CCNJL: variants seen among roughly 807,000 people sequenced by gnomAD.
CCNJL encodes the protein cyclin-J-like protein.
A neutral mutation model predicts 33.4 loss-of-function variants in CCNJL; 33 were observed. The observed-to-expected ratio is 0.99, with a 90% confidence interval of 0.75 to 1.32. CCNJL has a LOEUF of 1.32. Ranked by LOEUF, CCNJL falls within the 40% of genes most tolerant of loss-of-function variation. The pLI, the probability that CCNJL is intolerant of heterozygous loss-of-function variation, is 0.00. For missense variants in CCNJL, 512 were observed against 499.7 expected (o/e 1.02, Z -0.23); for synonymous variants, 227 against 220.9 (o/e 1.03, Z -0.24).
chr5:160,330,932 C>T (rs949264747), intron 1 of CCNJL, among the ~76,000 whole-genome samples: 2 of 152,206 alleles, frequency 1.3e-5, no homozygotes, highest in Admixed American at 6.5e-5. Flanking sequence ...GGATTATAGG[C>T]GTGAGCCACT....
chr5:160,292,301 T>C (rs1474653243), intron 2 of CCNJL, among the ~76,000 whole-genome samples: 3 of 152,230 alleles, frequency 2.0e-5, no homozygotes, highest in Non-Finnish European at 4.4e-5. Context: ...GATATCTCTA[T>C]ACATACAGAT....
intron 1 of CCNJL, among the ~76,000 whole-genome samples, chr5:160,333,154 G>T (rs145466327): frequency 6.7e-6 from 1 of 149,132 alleles, no homozygotes; most frequent in African/African-American, 2.5e-5. Flanking sequence ...ATGGAGTCTC[G>T]CTCTGTCGCC....
chr5:160,303,482 A>T (rs1762988809), intron 2 of CCNJL, among the ~76,000 whole-genome samples: 1 of 151,886 alleles, frequency 6.6e-6, no homozygotes, highest in Non-Finnish European at 1.5e-5. Context: ...CTGGGATTAC[A>T]GGCGTAAGCC....
intron 5 of CCNJL, 68 bp from the exon 6 acceptor site, chr5:160,253,866 C>G (rs1228821259): frequency 1.6e-6 from 2 of 1,287,502 alleles, no homozygotes; most frequent in African/African-American, 1.5e-5. Flanking sequence ...GTGTCTCTAC[C>G]TGTCTTGCTA....
chr5:160,303,022 T>C (rs1316234271), intron 2 of CCNJL, among the ~76,000 whole-genome samples: 3 of 152,196 alleles, frequency 2.0e-5, no homozygotes, highest in African/African-American at 7.2e-5. Context: ...TTCCATCATC[T>C]ACTCTTTTGT....
intron 4 of CCNJL, chr5:160,258,204 G>T (rs1428495142): frequency 5.3e-6 from 3 of 563,476 alleles, no homozygotes; most frequent in Admixed American, 2.6e-5. Context: ...TGGGATGGTT[G>T]TATCAACAGT....
intron 2 of CCNJL, among the ~76,000 whole-genome samples, chr5:160,293,898 C>T (rs781116327): frequency 2.6e-5 from 4 of 152,146 alleles, no homozygotes; most frequent in African/African-American, 4.8e-5. Flanking sequence ...CTGAGCTGCT[C>T]TCAAACACCA....
At chr5:160,337,774 G>A (rs1763701026) in intron 1 of CCNJL, among the ~76,000 whole-genome samples, 1 of 152,188 alleles carries the variant, frequency 6.6e-6, no homozygotes, top group Admixed American at 6.5e-5. Context: ...AGTTGGAAAT[G>A]AGTGAATTGT....
chr5:160,276,243 A>C (rs1477836293), intron 3 of CCNJL: 2 of 142,224 alleles, frequency 1.4e-5, no homozygotes, highest in African/African-American at 5.3e-5. Context: ...AAGGATACAA[A>C]ATTAGCCAGG....
At position 160,249,989 on chromosome 5, in the gene CCNJL, C is replaced by T. The variant is rs1760764768; in HGVS notation, c.*3389G>A. The T allele has an allele frequency of 6.6e-6, 1 of 152,042 alleles. No individual in the cohort carries two copies. Among genetic ancestry groups the T allele is most frequent in the Non-Finnish European group, 1.5e-5 (1 of 68,026 alleles). The allele number at this position is 152,042 out of a possible 1,614,324, so 9.4% of individuals were successfully genotyped here. The stretch of plus-strand genomic sequence containing the variant: ...TCTGCAGCTTGCTCAGGCTTGAAAA[C>T]CTCTGAATTTAACCTGATGCCAGCC... On this transcript the variant is annotated 3_prime_UTR_variant, in exon 6 of 6. Transcript: ENST00000257536.
At chr5:160,278,157 C>T (rs1762081498) in intron 3 of CCNJL, among the ~76,000 whole-genome samples, 1 of 152,056 alleles carries the variant, frequency 6.6e-6, no homozygotes, top group South Asian at 2.1e-4. Context: ...TCCGACTGGC[C>T]TGGCTAATAT....
chr5:160,280,456 G>T, intron 3 of CCNJL, 69 bp downstream of exon 3: 1 of 1,235,772 alleles, frequency 8.1e-7, no homozygotes, highest in South Asian at 1.2e-5. Context: ...AAGTGATTTG[G>T]AAGCAGCCAG....
At chr5:160,309,530 G>A (rs927941493) in intron 2 of CCNJL, among the ~76,000 whole-genome samples, 1 of 152,196 alleles carries the variant, frequency 6.6e-6, no homozygotes, top group Non-Finnish European at 1.5e-5. Context: ...TACAGTGTTA[G>A]AAACATATTA....
At chr5:160,281,542 TAA>T (rs775195834) in intron 2 of CCNJL, among the ~76,000 whole-genome samples, 3 of 152,184 alleles carry the variant, frequency 2.0e-5, no homozygotes, top group Admixed American at 1.3e-4. Flanking sequence ...GAAAAACCAA[TAA>T]AAGATATCAA....
chr5:160,305,608 T>C lies in CCNJL; in HGVS notation c.66+6250A>G, dbSNP rs908980163. ...AAACAAACTAAAACACAAGAGCCTA[T>C]AGTGTCATGGATGACAGAACCTCAA... On this transcript the variant is annotated intron_variant, in intron 2 of 5. Coordinates refer to ENST00000257536, the MANE Select transcript of CCNJL (RefSeq NM_001308173.3). Among the ~76,000 whole-genome samples the C allele has an allele frequency of 6.9e-4, 105 of 152,242 alleles. 1 individual carries two copies. Among genetic ancestry groups the C allele is most frequent in the African/African-American group, 2.2e-3 (93 of 41,462 alleles).
chr5:160,258,547 A>G (rs1761173805), intron 4 of CCNJL: 2 of 1,521,578 alleles, frequency 1.3e-6, no homozygotes, highest in Admixed American at 1.7e-5. Flanking sequence ...GAAAGAGGTT[A>G]TTCGGGAAAG....
chr5:160,253,746 C>T lies in CCNJL; in HGVS notation c.796G>A (p.Ala266Thr), dbSNP rs1370855863. 9 of 1,555,176 alleles carry T rather than the reference C, an allele frequency of 5.8e-6. No homozygotes were observed. Among genetic ancestry groups the T allele is most frequent in the Admixed American group, 5.5e-5 (3 of 54,538 alleles). ...GTGGGGGGTGTGCCGGGCACCATTGCCAAGGCCTGGCTCTTGACGGCTACG... is the reference window on the plus strand; with the variant it reads ...GTGGGGGGTGTGCCGGGCACCATTGTCAAGGCCTGGCTCTTGACGGCTACG... Reference protein sequence around the residue: ...DAVAVKSQALAMVPGTPPTPT... With the variant: ...DAVAVKSQALTMVPGTPPTPT... Residue 266 changes from alanine (A) to threonine (T), a missense_variant, in exon 6 of 6, where the codon GCA becomes ACA. By Grantham distance (58) the Ala-to-Thr change is moderately conservative. Coordinates refer to ENST00000257536, the MANE Select transcript of CCNJL (RefSeq NM_001308173.3).
At chr5:160,309,961 C>A (rs139065381) in intron 2 of CCNJL, among the ~76,000 whole-genome samples, 2 of 152,260 alleles carry the variant, frequency 1.3e-5, no homozygotes, top group African/African-American at 4.8e-5. Flanking sequence ...GTTCATGGAG[C>A]CTTTCTTGCT....
Position 160,253,223 on chromosome 5 carries a change from C to T in CCNJL, c.*155G>A, listed in dbSNP as rs1760884512. 1.6e-6 allele frequency: 1 copy of T among 607,086 alleles called. No homozygotes were observed. Among genetic ancestry groups the T allele is most frequent in the Non-Finnish European group, 2.7e-6 (1 of 372,896 alleles). 37.6% of individuals were successfully genotyped at this position (607,086 alleles called of 1,614,324 possible). ...GAGGTATGTTATTGAATGTTTTGCT[C>T]TGGGTCAGTTTTATTTAAAAGGAGC... On this transcript the variant is annotated 3_prime_UTR_variant, in exon 6 of 6. Coordinates refer to ENST00000257536, the MANE Select transcript of CCNJL (RefSeq NM_001308173.3).
Sources: gnomAD v4.1 joint callset for allele counts (sites outside exome capture counted in the v4.1 genomes callset) on GRCh38, gnomAD v4.1.1 for gene constraint, MANE v1.5 for transcripts, NCBI Gene and HGNC (gene_info 2026-07-23, HGNC 2026-07-21) for gene names.